ENOX1: variants seen among roughly 807,000 people sequenced by gnomAD.
The protein encoded by ENOX1 is ecto-NOX disulfide-thiol exchanger 1, also known as candidate growth-related and time keeping constitutive hydroquinone (NADH) oxidase.
In ENOX1, 42 loss-of-function variants were observed where a neutral mutation model predicts 82.5. The observed-to-expected ratio is 0.51, with a 90% CI of 0.40 to 0.66. ENOX1 has a LOEUF of 0.66. Among genes scored for constraint, ENOX1 ranks in the 30% least tolerant of loss-of-function variants. The pLI is 0.00. For missense variants in ENOX1, 608 were observed against 811.6 expected (o/e 0.75, Z 3.05); for synonymous variants, 271 against 282.2 (o/e 0.96, Z 0.40).
In ENOX1 at chr13:43,770,698, C is replaced by G. The variant is rs183904816; in HGVS notation, c.-285+15954G>C. ...GTATACGTATGTGTACACACACACA[C>G]ACACACACACACACACACACACACA... On this transcript the variant is annotated intron_variant, in intron 1 of 16. Coordinates refer to ENST00000690772, the MANE Select transcript of ENOX1 (RefSeq NM_001347969.2). 6.6e-5 allele frequency among the ~76,000 whole-genome samples: 10 copies of G among 151,162 alleles called. No individual in the cohort carries two copies. The East Asian group carries it at 1.9e-3, about 29-fold the overall frequency.
At position 43,445,164 on chromosome 13, in the gene ENOX1, C is replaced by T. The variant is rs541898432; in HGVS notation, c.-74-32176G>A. On this transcript the variant is annotated intron_variant, in intron 3 of 16. Transcript: ENST00000690772. Reference sequence around the variant, plus strand: ...TTTGATACGGAGTCTTGCTTTGTTGCCCAGGCTGGGGCACAGTGGCACGAT... The same window carrying T: ...TTTGATACGGAGTCTTGCTTTGTTGTCCAGGCTGGGGCACAGTGGCACGAT... Among the ~76,000 whole-genome samples the T allele has an allele frequency of 4.2e-5, 6 of 143,884 alleles. No homozygotes were observed. In the South Asian group the frequency reaches 1.3e-3, roughly 31 times the overall value. The allele number at this position is 143,884 out of a possible 152,430, so 94.4% of individuals were successfully genotyped here.
intron 2 of ENOX1, among the ~76,000 whole-genome samples, chr13:43,532,670 C>T (rs1200272325): frequency 6.6e-6 from 1 of 152,014 alleles, no homozygotes; most frequent in Non-Finnish European, 1.5e-5. Flanking sequence ...CTCCATTTTC[C>T]TCACTGAAGC....
chr13:43,225,564 C>T (rs753578044), intron 15 of ENOX1, among the ~76,000 whole-genome samples: 3 of 152,132 alleles, frequency 2.0e-5, no homozygotes, highest in Non-Finnish European at 4.4e-5. Context: ...CAGGGAAGAC[C>T]CTCACCTGTA....
chr13:43,606,550 G>GA (rs1297809894), intron 2 of ENOX1, among the ~76,000 whole-genome samples: 1 of 152,154 alleles, frequency 6.6e-6, no homozygotes, highest in Non-Finnish European at 1.5e-5. Flanking sequence ...GGAATGGAAA[G>GA]ACAAACTTCT....
In ENOX1 at chr13:43,238,187, G is replaced by A. The variant is rs79831326; in HGVS notation, c.1612-1449C>T. On this transcript the variant is annotated intron_variant, in intron 14 of 16. Transcript: ENST00000690772. ...GAGTTTGGGGAGTGGTCTAAGCTAAGTCTGGAGCCAGCTGTACATCAAAGG... is the reference window on the plus strand; with the variant it reads ...GAGTTTGGGGAGTGGTCTAAGCTAAATCTGGAGCCAGCTGTACATCAAAGG... Among the ~76,000 whole-genome samples, 965 of 152,290 alleles carry A rather than the reference G, an allele frequency of 6.3e-3. 18 individuals are homozygous for A. Among genetic ancestry groups the A allele is most frequent in the East Asian group, 0.05 (257 of 5,176 alleles).
At chr13:43,292,330 A>G (rs1269773312) in intron 12 of ENOX1, among the ~76,000 whole-genome samples, 1 of 152,248 alleles carries the variant, frequency 6.6e-6, no homozygotes, top group Non-Finnish European at 1.5e-5. Flanking sequence ...AGGATCAAAG[A>G]TAAAGTTAAA....
chr13:43,292,321 G>A (rs1446457515), intron 12 of ENOX1, among the ~76,000 whole-genome samples: 3 of 152,148 alleles, frequency 2.0e-5, no homozygotes, highest in Non-Finnish European at 4.4e-5. Flanking sequence ...TCAATTGGAA[G>A]GATCAAAGAT....
intron 3 of ENOX1, among the ~76,000 whole-genome samples, chr13:43,476,602 C>T (rs1293639198): frequency 6.6e-6 from 1 of 152,140 alleles, no homozygotes; most frequent in Non-Finnish European, 1.5e-5. Flanking sequence ...CTTTTACTCT[C>T]TCTAGTTTGT....
chr13:43,291,086 A>G (rs900448023), intron 12 of ENOX1, among the ~76,000 whole-genome samples: 1 of 152,214 alleles, frequency 6.6e-6, no homozygotes, highest in Non-Finnish European at 1.5e-5. Flanking sequence ...ACAATTTATC[A>G]TTACCAAATG....
chr13:43,590,041 C>T (rs558801414), intron 2 of ENOX1, among the ~76,000 whole-genome samples: 1 of 152,162 alleles, frequency 6.6e-6, no homozygotes, highest in African/African-American at 2.4e-5. Context: ...TGCTTGATGG[C>T]CTCAGGTATT....
At chr13:43,395,631 A>G (rs931314905) in intron 5 of ENOX1, among the ~76,000 whole-genome samples, 1 of 152,210 alleles carries the variant, frequency 6.6e-6, no homozygotes, top group African/African-American at 2.4e-5. Flanking sequence ...CTTCCTATAT[A>G]GTGGACAACA....
intron 3 of ENOX1, among the ~76,000 whole-genome samples, chr13:43,452,933 T>G (rs550198843): frequency 6.6e-6 from 1 of 152,320 alleles, no homozygotes; most frequent in African/African-American, 2.4e-5. Context: ...CCTGTTATAG[T>G]CTGTTAGATG....
chr13:43,257,477 T>C (rs1157525221), intron 14 of ENOX1, among the ~76,000 whole-genome samples: 1 of 152,212 alleles, frequency 6.6e-6, no homozygotes, highest in African/African-American at 2.4e-5. Context: ...ATGCTCATTA[T>C]TGATAAAGAA....
chr13:43,572,873 C>T (rs1176962343), intron 2 of ENOX1, among the ~76,000 whole-genome samples: 1 of 152,190 alleles, frequency 6.6e-6, no homozygotes, highest in African/African-American at 2.4e-5. Context: ...CCAGTTCTTG[C>T]CATTTTCACA....
At chr13:43,315,188 TTC>T (rs2047409218) in intron 11 of ENOX1, among the ~76,000 whole-genome samples, 1 of 152,240 alleles carries the variant, frequency 6.6e-6, no homozygotes, top group South Asian at 2.1e-4. Context: ...TTATTCATTA[TTC>T]TTAGTTGTTA....
At chr13:43,420,037 A>C (rs139704302) in intron 3 of ENOX1, among the ~76,000 whole-genome samples, 44 of 152,324 alleles carry the variant, frequency 2.9e-4, no homozygotes, top group African/African-American at 9.1e-4. Context: ...CTTATTTTAT[A>C]AGAACTCTCC....
At chr13:43,605,979 A>G (rs896252678) in intron 2 of ENOX1, among the ~76,000 whole-genome samples, 3 of 152,218 alleles carry the variant, frequency 2.0e-5, no homozygotes, top group African/African-American at 4.8e-5. Flanking sequence ...TAATAATCCA[A>G]TTAAAAAATG....
chr13:43,680,435 C>T (rs2085726545), intron 1 of ENOX1, among the ~76,000 whole-genome samples: 1 of 152,078 alleles, frequency 6.6e-6, no homozygotes, highest in Admixed American at 6.6e-5. Flanking sequence ...GTATACCTTC[C>T]TCAAGCACTA....
chr13:43,404,696 T>G (rs372004975), intron 5 of ENOX1, among the ~76,000 whole-genome samples: 2 of 152,368 alleles, frequency 1.3e-5, no homozygotes, highest in East Asian at 3.9e-4. Context: ...GGCCAATTGC[T>G]GTTCCTCTAG....
Sources: gnomAD v4.1 joint callset for allele counts (sites outside exome capture counted in the v4.1 genomes callset) on GRCh38, gnomAD v4.1.1 for gene constraint, MANE v1.5 for transcripts, NCBI Gene and HGNC (gene_info 2026-07-23, HGNC 2026-07-21) for gene names.